The following DMD variants were observed in gnomAD, a reference collection of about 807,000 sequenced individuals.
DMD encodes the protein mutant dystrophin.
A neutral mutation model predicts 330.1 loss-of-function variants in DMD; 63 were observed. That is an observed-to-expected ratio of 0.19 (90% CI 0.16 to 0.24). The LOEUF is 0.24. Ranked by LOEUF, DMD falls within the 10% of genes least tolerant of loss-of-function variation. The probability of loss-of-function intolerance (pLI) is 1.00; values close to 1 mark genes in which losing one functional copy is unlikely to be tolerated. For synonymous variants in DMD, 1,223 were observed against 959.8 expected, an observed-to-expected ratio of 1.27 and a Z score of -5.07; for missense variants, 3,344 against 2,684.1, an observed-to-expected ratio of 1.25 and a Z score of -5.43.
intron 44 of DMD, among the ~76,000 whole-genome samples, chrX:32,023,739 T>C (rs892013774): frequency 1.2e-4 from 13 of 111,777 alleles, no homozygotes; most frequent in African/African-American, 4.2e-4. Context: ...GTATACACCA[T>C]GGAATACTAC....
At chrX:32,473,983 C>T (rs1352875564) in intron 21 of DMD, among the ~76,000 whole-genome samples, 1 of 110,007 alleles carries the variant, frequency 9.1e-6, no homozygotes, top group East Asian at 2.8e-4. Context: ...TCTCTCCCCC[C>T]AACCTTCCCC....
chrX:31,628,928 A>ATATATATATATATATATATATG (rs1339344846), intron 54 of DMD, among the ~76,000 whole-genome samples: 1 of 103,873 alleles, frequency 9.6e-6, no homozygotes, highest in Non-Finnish European at 2.0e-5. Context: ...ATATATATAT[A>ATATATATATATATATATATATG]TATATATATA....
chrX:32,746,119 T>C (rs889173344), intron 7 of DMD, among the ~76,000 whole-genome samples: 5 of 112,204 alleles, frequency 4.5e-5, no homozygotes, highest in Non-Finnish European at 3.8e-5. Context: ...GGTAATAACA[T>C]GACTTGGTCC....
chrX:32,476,636 C>T (rs1201236186), intron 21 of DMD, among the ~76,000 whole-genome samples: 3 of 111,794 alleles, frequency 2.7e-5, no homozygotes, highest in Non-Finnish European at 5.7e-5. Context: ...AAATTTGCAA[C>T]GGTATAGAGT....
At chrX:32,378,335 C>T (rs1306383226) in intron 34 of DMD, among the ~76,000 whole-genome samples, 1 of 108,771 alleles carries the variant, frequency 9.2e-6, no homozygotes, top group Non-Finnish European at 1.9e-5. Context: ...CCTAGTTTTC[C>T]AATTTATTTA....
At chrX:31,790,180 G>C in intron 50 of DMD, among the ~76,000 whole-genome samples, 1 of 111,839 alleles carries the variant, frequency 8.9e-6, no homozygotes, top group African/African-American at 3.2e-5. Context: ...CAAAGAGCTA[G>C]GTAGAAAGAC....
At position 31,341,205 on chromosome X, in the gene DMD, C is replaced by T. The variant is rs113533625; in HGVS notation, c.9163+7351G>A. 8.1e-3 allele frequency among the ~76,000 whole-genome samples: 912 copies of T among 112,047 alleles called. 9 individuals carry two copies. The highest frequency in any genetic ancestry group is 0.029 in the African/African-American group (884 of 30,861). On this transcript the variant is annotated intron_variant, in intron 61 of 78. Transcript: ENST00000357033. The stretch of plus-strand genomic sequence containing the variant: ...AGCACTTACTATGTTCCAGGCACTA[C>T]TCTAAGGGTTTTACAAATATTAACT...
intron 1 of DMD, among the ~76,000 whole-genome samples, chrX:33,207,425 T>C (rs1441829592): frequency 1.8e-5 from 2 of 111,419 alleles, no homozygotes; most frequent in Non-Finnish European, 3.8e-5. Context: ...ATTTTAGCTT[T>C]TAATCTTGGA....
chrX:32,671,621 A>G (rs1056194550), intron 9 of DMD, among the ~76,000 whole-genome samples: 3 of 112,151 alleles, frequency 2.7e-5, no homozygotes, highest in African/African-American at 9.7e-5. Flanking sequence ...AATAAAACTT[A>G]TTTAGAAAAA....
chrX:32,348,870 A>C (rs2097772582), intron 37 of DMD, among the ~76,000 whole-genome samples: 1 of 111,806 alleles, frequency 8.9e-6, no homozygotes, highest in African/African-American at 3.2e-5. Flanking sequence ...TGATATAAAT[A>C]CATTTGGGTA....
rs140510985 is a variant in DMD at position 32,699,210 on chromosome X, T to A, written c.733A>T (p.Ile245Phe). 3 of 1,209,512 alleles carry A rather than the reference T, an allele frequency of 2.5e-6. No individual in the cohort carries two copies. The highest frequency in any genetic ancestry group is 3.0e-5 in the East Asian group (1 of 33,794). The change falls in exon 8 of 79, where the codon ATT becomes TTT. Residue 245 changes from isoleucine to phenylalanine, a missense_variant. Transcript: ENST00000357033. ...LFQVLPQQVSIEAIQEVEMLP... is the reference protein window; with the variant it reads ...LFQVLPQQVSFEAIQEVEMLP... Reference sequence around the variant, plus strand: ...ATTTCCACTTCCTGGATGGCTTCAATGCTCACTTGTTGAGGCAAAACTTGG... The same window carrying A: ...ATTTCCACTTCCTGGATGGCTTCAAAGCTCACTTGTTGAGGCAAAACTTGG...
intron 76 of DMD, among the ~76,000 whole-genome samples, chrX:31,135,285 ACT>A (rs1298846365): frequency 9.0e-6 from 1 of 111,717 alleles, no homozygotes; most frequent in Non-Finnish European, 1.9e-5. Flanking sequence ...TCTTTTTTTC[ACT>A]CTTTGTTTTG....
intron 44 of DMD, among the ~76,000 whole-genome samples, chrX:32,171,908 A>C (rs749576108): frequency 4.5e-5 from 5 of 111,806 alleles, no homozygotes; most frequent in Non-Finnish European, 9.4e-5. Context: ...TACCAAAATT[A>C]AAAGTAGATC....
intron 44 of DMD, among the ~76,000 whole-genome samples, chrX:31,971,900 C>G (rs1425690629): frequency 9.0e-6 from 1 of 111,473 alleles, no homozygotes; most frequent in Non-Finnish European, 1.9e-5. Flanking sequence ...AGTCTTGGTT[C>G]TGGACAAAAA....
In DMD at chrX:32,130,553, T is replaced by A. The variant is rs776487153; in HGVS notation, c.6438+86363A>T. On this transcript the variant is annotated intron_variant, in intron 44 of 78. Coordinates refer to ENST00000357033, the MANE Select transcript of DMD (RefSeq NM_004006.3). ...TATAAACAAAAAAAGCCCAACTCTT[T>A]ACAACGTCCCGGAAGACTGCACATC... Among the ~76,000 whole-genome samples, 4 of 111,369 alleles carry A rather than the reference T, an allele frequency of 3.6e-5. No homozygotes were observed. The South Asian group carries it at 1.5e-3, about 42-fold the overall frequency.
At chrX:31,173,678 T>A in intron 71 of DMD, 74 bp from the exon 72 acceptor site, 1 of 903,913 alleles carries the variant, frequency 1.1e-6, no homozygotes, top group East Asian at 3.1e-5. Flanking sequence ...ACAGTTATGT[T>A]ATACACATGG....
At chrX:32,252,795 T>TATACATATAAATATATATAAGTATATAA (rs1569553697) in intron 43 of DMD, among the ~76,000 whole-genome samples, 1 of 46,963 alleles carries the variant, frequency 2.1e-5, no homozygotes, top group Non-Finnish European at 3.1e-5. Context: ...TATATATAAA[T>TATACATATAAATATATATAAGTATATAA]ATATATATAA....
chrX:31,934,578 G>T (rs1182436473), intron 45 of DMD, among the ~76,000 whole-genome samples: 1 of 111,489 alleles, frequency 9.0e-6, no homozygotes, highest in Non-Finnish European at 1.9e-5. Context: ...GTTCATTCCT[G>T]GGACACTGGG....
intron 2 of DMD, among the ~76,000 whole-genome samples, chrX:32,924,036 G>A (rs928905538): frequency 4.5e-5 from 5 of 111,614 alleles, no homozygotes; most frequent in Admixed American, 3.8e-4. Flanking sequence ...CTGGCATGAG[G>A]AGAGTGAGGA....
Sources: allele counts gnomAD v4.1 joint callset (sites outside exome capture counted in the v4.1 genomes callset), GRCh38; gene constraint gnomAD v4.1.1; transcripts MANE v1.5; gene names NCBI Gene and HGNC (gene_info 2026-07-23, HGNC 2026-07-21).